The following RALA variants were observed in gnomAD, a reference collection of about 807,000 sequenced individuals.
RALA encodes RAS like proto-oncogene A.
In RALA, 5 loss-of-function variants were observed where a neutral mutation model predicts 24.0. That is an observed-to-expected ratio of 0.21 (90% CI 0.11 to 0.44). The LOEUF is 0.44. Among genes scored for constraint, RALA ranks in the 20% least tolerant of loss-of-function variants. The probability of loss-of-function intolerance (pLI) is 0.99; values close to 1 mark genes in which losing one functional copy is unlikely to be tolerated. For missense variants in RALA, 95 were observed against 241.2 expected, an observed-to-expected ratio of 0.39 and a Z score of 4.01; for synonymous variants, 77 against 83.8, an observed-to-expected ratio of 0.92 and a Z score of 0.44.
chr7:39,629,740 C>T (rs899758783), intron 1 of RALA, among the ~76,000 whole-genome samples: 1 of 152,014 alleles, frequency 6.6e-6, no homozygotes, highest in South Asian at 2.1e-4. Flanking sequence ...GGACTACAGG[C>T]GCGTGCCACC....
chr7:39,674,232 G>C (rs895495279), intron 1 of RALA, among the ~76,000 whole-genome samples: 1 of 151,958 alleles, frequency 6.6e-6, no homozygotes. Flanking sequence ...GATTAGAGCC[G>C]CTGTACTGGG....
intron 1 of RALA, among the ~76,000 whole-genome samples, chr7:39,634,006 GA>G (rs1029725365): frequency 6.6e-6 from 1 of 152,178 alleles, no homozygotes; most frequent in African/African-American, 2.4e-5. Flanking sequence ...TGAACTCTCA[GA>G]CCACATCCTG....
intron 1 of RALA, among the ~76,000 whole-genome samples, chr7:39,674,819 C>CTTTTTT (rs11452061): frequency 4.1e-4 from 40 of 96,678 alleles, no homozygotes; most frequent in East Asian, 6.7e-4. Context: ...TAATTTTATG[C>CTTTTTT]TTTTTTTTTT....
At chr7:39,648,010 G>A (rs1356156077) in intron 1 of RALA, among the ~76,000 whole-genome samples, 1 of 152,168 alleles carries the variant, frequency 6.6e-6, no homozygotes, top group African/African-American at 2.4e-5. Context: ...TTCAACAACT[G>A]CATCAGCTGG....
Position 39,686,121 on chromosome 7 carries a change from G to T in RALA, c.-37-510G>T, listed in dbSNP as rs779501079. ...CTCAGGAGGCTGAGGCACAAGAATC[G>T]CTTGAACCTGGGAGGTGGAGGCTAC... is the stretch of plus-strand genomic sequence containing the variant. On this transcript the variant is annotated intron_variant, in intron 1 of 4. Transcript: ENST00000005257. Among the ~76,000 whole-genome samples the T allele has an allele frequency of 4.7e-5, 7 of 150,446 alleles. No individual in the cohort carries two copies. The Admixed American group carries it at 4.7e-4, about 10-fold the overall frequency.
chr7:39,691,841 C>T (rs2116085411), intron 3 of RALA, among the ~76,000 whole-genome samples: 1 of 152,220 alleles, frequency 6.6e-6, no homozygotes, highest in African/African-American at 2.4e-5. Flanking sequence ...TATATAAATG[C>T]CAATGCTTAT....
At chr7:39,696,526 C>G (rs1222413669) in intron 3 of RALA, among the ~76,000 whole-genome samples, 159 bp from the exon 4 acceptor site, 1 of 152,134 alleles carries the variant, frequency 6.6e-6, no homozygotes, top group African/African-American at 2.4e-5. Context: ...AAGTTTGGAC[C>G]TTAGTTGCTA....
intron 1 of RALA, among the ~76,000 whole-genome samples, chr7:39,654,532 G>T (rs1018640028): frequency 1.3e-5 from 2 of 152,100 alleles, no homozygotes; most frequent in Non-Finnish European, 1.5e-5. Flanking sequence ...TCAAAGACTG[G>T]AAGTTTTTTA....
intron 4 of RALA, chr7:39,700,833 G>A (rs1259483704): frequency 6.6e-6 from 1 of 152,188 alleles, no homozygotes; most frequent in Admixed American, 6.5e-5. Context: ...ATAATTTCAT[G>A]TACTGCTACA....
chr7:39,651,316 G>T (rs1394119041), intron 1 of RALA, among the ~76,000 whole-genome samples: 1 of 152,144 alleles, frequency 6.6e-6, no homozygotes, highest in Non-Finnish European at 1.5e-5. Flanking sequence ...TCTATTGTAT[G>T]TTAAGGAACA....
intron 3 of RALA, among the ~76,000 whole-genome samples, chr7:39,693,720 A>T (rs1162263458): frequency 6.6e-6 from 1 of 152,232 alleles, no homozygotes; most frequent in African/African-American, 2.4e-5. Flanking sequence ...GAAAGTTGAC[A>T]TGGTTTTTGC....
intron 1 of RALA, among the ~76,000 whole-genome samples, chr7:39,629,444 T>G (rs1480928592): frequency 6.6e-6 from 1 of 152,248 alleles, no homozygotes; most frequent in Non-Finnish European, 1.5e-5. Flanking sequence ...AGATGGAGTT[T>G]CGCTCTGTCG....
chr7:39,664,583 G>C (rs1366705571), intron 1 of RALA, among the ~76,000 whole-genome samples: 2 of 152,122 alleles, frequency 1.3e-5, no homozygotes, highest in Non-Finnish European at 2.9e-5. Context: ...TCTGTGGAAA[G>C]GATGTCAGTA....
In RALA at chr7:39,682,705, C is replaced by T. The variant is rs1014112761; in HGVS notation, c.-37-3926C>T. On this transcript the variant is annotated intron_variant, in intron 1 of 4. Transcript: ENST00000005257. ...TTGCCCAGGCTGGAGTGCAGTGGCACGATCTTGGCTCACTGCAACCTCCGC... is the reference window on the plus strand; with the variant it reads ...TTGCCCAGGCTGGAGTGCAGTGGCATGATCTTGGCTCACTGCAACCTCCGC... Among the ~76,000 whole-genome samples, 5 of 152,252 alleles carry T rather than the reference C, an allele frequency of 3.3e-5. No homozygotes were observed. In the East Asian group the frequency reaches 9.6e-4, roughly 29 times the overall value.
chr7:39,705,635 A>G (rs1051485718), intron 4 of RALA, among the ~76,000 whole-genome samples: 10 of 152,182 alleles, frequency 6.6e-5, no homozygotes, highest in Admixed American at 1.3e-4. Flanking sequence ...TGGTATCAAG[A>G]TGATAAAGCA....
chr7:39,680,119 C>T (rs963120323), intron 1 of RALA, among the ~76,000 whole-genome samples: 2 of 152,036 alleles, frequency 1.3e-5, no homozygotes, highest in South Asian at 2.1e-4. Context: ...CCTGTAGTCC[C>T]AACACTTTGG....
In RALA at chr7:39,669,973, A is replaced by T. The variant is rs143177524; in HGVS notation, c.-37-16658A>T. ...TTTTCTGGCTGCATTTTTTAAAATTAACAAAGCTCTCATGGACAATATCAA... is the reference window on the plus strand; with the variant it reads ...TTTTCTGGCTGCATTTTTTAAAATTTACAAAGCTCTCATGGACAATATCAA... On this transcript the variant is annotated intron_variant, in intron 1 of 4. Transcript: ENST00000005257. 2.6e-5 allele frequency among the ~76,000 whole-genome samples: 4 copies of T among 152,330 alleles called. No homozygotes were observed. In the East Asian group the frequency reaches 7.7e-4, roughly 29 times the overall value.
intron 1 of RALA, among the ~76,000 whole-genome samples, chr7:39,673,390 T>G (rs939503124): frequency 3.9e-5 from 6 of 152,164 alleles, no homozygotes; most frequent in African/African-American, 1.4e-4. Flanking sequence ...TCTTTATGTC[T>G]CAAGAACAGG....
intron 1 of RALA, among the ~76,000 whole-genome samples, chr7:39,629,863 G>A (rs1368490254): frequency 6.6e-6 from 1 of 152,066 alleles, no homozygotes; most frequent in Non-Finnish European, 1.5e-5. Context: ...CAAAAGTGTT[G>A]GGATTACAGG....
Sources: gnomAD v4.1 joint callset for allele counts (sites outside exome capture counted in the v4.1 genomes callset) on GRCh38, gnomAD v4.1.1 for gene constraint, MANE v1.5 for transcripts, NCBI Gene and HGNC (gene_info 2026-07-23, HGNC 2026-07-21) for gene names.